The following DOCK7 variants were observed in gnomAD, a reference collection of about 807,000 sequenced individuals.
DOCK7 encodes the protein dedicator of cytokinesis protein 7.
Under a neutral mutation model 271.0 loss-of-function variants are expected in DOCK7, and 138 were observed. That is an observed-to-expected ratio of 0.51 (90% CI 0.44 to 0.59). The LOEUF (loss-of-function observed/expected upper bound fraction) is 0.59. Ranked by LOEUF, DOCK7 falls within the 20% of genes least tolerant of loss-of-function variation. The probability of loss-of-function intolerance (pLI) is 0.00; values close to 1 mark genes in which losing one functional copy is unlikely to be tolerated. For synonymous variants in DOCK7, 823 were observed against 876.1 expected, an observed-to-expected ratio of 0.94 and a Z score of 1.07; for missense variants, 2,066 against 2,592.4, an observed-to-expected ratio of 0.80 and a Z score of 4.41.
chr1:62,613,048 T>C (rs756523498), intron 14 of DOCK7, among the ~76,000 whole-genome samples: 1 of 152,212 alleles, frequency 6.6e-6, no homozygotes, highest in Admixed American at 6.5e-5. Context: ...ACAACAGTGG[T>C]GATCAAGTAA....
chr1:62,615,437 A>G (rs2149577434), intron 14 of DOCK7, among the ~76,000 whole-genome samples: 1 of 151,990 alleles, frequency 6.6e-6, no homozygotes, highest in African/African-American at 2.4e-5. Context: ...CTTAGCCTTG[A>G]CATTCTATAT....
At chr1:62,509,667 A>G (rs941614952) in intron 34 of DOCK7, among the ~76,000 whole-genome samples, 5 of 152,172 alleles carry the variant, frequency 3.3e-5, no homozygotes, top group African/African-American at 4.8e-5. Context: ...TAATATATTT[A>G]TATTACATTC....
At chr1:62,659,254 C>A (rs983955637) in intron 2 of DOCK7, among the ~76,000 whole-genome samples, 3 of 151,956 alleles carry the variant, frequency 2.0e-5, no homozygotes, top group African/African-American at 7.3e-5. Flanking sequence ...ATGTTTAAGA[C>A]AATTATATAC....
At chr1:62,660,081 A>G (rs1658492503) in intron 2 of DOCK7, among the ~76,000 whole-genome samples, 1 of 152,180 alleles carries the variant, frequency 6.6e-6, no homozygotes, top group Non-Finnish European at 1.5e-5. Flanking sequence ...TCTAACTGAC[A>G]TTTATAGAAC....
chr1:62,519,562 T>C (rs1217656549), intron 31 of DOCK7, among the ~76,000 whole-genome samples: 2 of 152,110 alleles, frequency 1.3e-5, no homozygotes, highest in Non-Finnish European at 2.9e-5. Flanking sequence ...GAGATGAATC[T>C]TGAAAATGCT....
chr1:62,685,197 A>T (rs1661591605), intron 1 of DOCK7, among the ~76,000 whole-genome samples: 1 of 152,190 alleles, frequency 6.6e-6, no homozygotes, highest in African/African-American at 2.4e-5. Flanking sequence ...TACGAGGTTA[A>T]GTCTTACCAT....
rs774114583 is a variant in DOCK7, at chr1:62,535,529, G to A, written c.3575C>T (p.Thr1192Ile). 1 of 1,614,026 alleles carries A rather than the reference G, an allele frequency of 6.2e-7. No homozygotes were observed. The highest frequency in any genetic ancestry group is 8.5e-7 in the Non-Finnish European group (1 of 1,179,972). ...QQHYLAGLVLTELAVILDPDA... is the reference protein window; with the variant it reads ...QQHYLAGLVLIELAVILDPDA... Reference sequence around the variant, plus strand: ...AGGGTCTAAAATGACAGCCAGCTCTGTTAACACAAGTCCTGCCAAATAATG... The same window carrying A: ...AGGGTCTAAAATGACAGCCAGCTCTATTAACACAAGTCCTGCCAAATAATG... The change falls in exon 29 of 50, where the codon ACA becomes ATA. Residue 1192 changes from threonine to isoleucine, a missense_variant. Physicochemically the swap from Thr to Ile is moderately conservative, Grantham distance 89. Around this residue, in one of 2 missense-constraint regions of DOCK7, gnomAD observed 1,414 missense variants for 1,670.4 expected, o/e 0.85. Transcript: ENST00000635253.
chr1:62,467,212 G>A (rs1467582065), intron 48 of DOCK7, among the ~76,000 whole-genome samples: 1 of 152,192 alleles, frequency 6.6e-6, no homozygotes, highest in African/African-American at 2.4e-5. Context: ...TGTGTCCAGA[G>A]GTTATGCATG....
intron 31 of DOCK7, among the ~76,000 whole-genome samples, chr1:62,514,969 T>C (rs578199148): frequency 1.3e-5 from 2 of 152,078 alleles, no homozygotes; most frequent in African/African-American, 2.4e-5. Context: ...AGGAAAGACA[T>C]AGGAAAGCTG....
chr1:62,543,519 A>T (rs1300291427), intron 24 of DOCK7, 137 bp downstream of exon 24: 2 of 545,646 alleles, frequency 3.7e-6, no homozygotes, highest in Non-Finnish European at 6.4e-6. Context: ...TCAGACAAGC[A>T]ATGCTTGTTC....
intron 19 of DOCK7, 126 bp downstream of exon 19, chr1:62,561,489 CAT>C (rs1443137488): frequency 4.5e-6 from 2 of 440,024 alleles, no homozygotes; most frequent in East Asian, 3.8e-5. Flanking sequence ...TTTTAACTGA[CAT>C]ATATTCTCAT....
In DOCK7 at chr1:62,539,568, G is replaced by A; in HGVS notation, c.3277C>T (p.Leu1093Phe). The change falls in exon 27 of 50, where the codon CTT becomes TTT. Residue 1093 changes from leucine to phenylalanine, a missense_variant. Physicochemically the swap from Leu to Phe is conservative, Grantham distance 22 (BLOSUM62 0). Transcript: ENST00000635253. ...ACCTGTTTATAGCAGGACTTTATAA[G>A]GCTAAAAACAAATCCTCTGTCCATA... The part of the protein sequence containing the change: ...SVMDRGFVFS[L>F]IKSCYKQVSS... 3 of 1,612,322 alleles carry A rather than the reference G, an allele frequency of 1.9e-6. No individual in the cohort carries two copies. Among genetic ancestry groups the A allele is most frequent in the Non-Finnish European group, 2.5e-6 (3 of 1,179,464 alleles).
chr1:62,604,523 CT>C (rs1650659644), intron 14 of DOCK7: 1 of 1,198,058 alleles, frequency 8.3e-7, no homozygotes. Context: ...ATACATGCAT[CT>C]AAAACACTGT....
chr1:62,604,622 A>T, intron 14 of DOCK7: 1 of 1,612,572 alleles, frequency 6.2e-7, no homozygotes, highest in Non-Finnish European at 8.5e-7. Flanking sequence ...TTGCATATCT[A>T]TCTCCTTTAG....
intron 31 of DOCK7, among the ~76,000 whole-genome samples, chr1:62,515,915 A>G (rs1358012293): frequency 2.0e-5 from 3 of 152,204 alleles, no homozygotes; most frequent in African/African-American, 7.2e-5. Context: ...GAACACAAAA[A>G]GTGTCCTATG....
intron 37 of DOCK7, among the ~76,000 whole-genome samples, chr1:62,503,071 TC>T (rs1646832977): frequency 2.0e-5 from 3 of 152,136 alleles, no homozygotes; most frequent in Admixed American, 2.0e-4. Context: ...CAAGACGAGT[TC>T]TTTTAAATTC....
intron 48 of DOCK7, among the ~76,000 whole-genome samples, chr1:62,471,592 T>C (rs1017964768): frequency 6.6e-6 from 1 of 152,200 alleles, no homozygotes; most frequent in African/African-American, 2.4e-5. Context: ...AGTTTGAGGC[T>C]GCAGTGAGTT....
chr1:62,475,541 T>C, intron 46 of DOCK7, 166 bp downstream of exon 46: 1 of 1,069,066 alleles, frequency 9.4e-7, no homozygotes, highest in Non-Finnish European at 1.3e-6. Flanking sequence ...TGGGGGTGAA[T>C]TAGGGTCTTA....
At chr1:62,457,799 G>T in intron 48 of DOCK7, 94 bp from the exon 49 acceptor site, 1 of 1,161,334 alleles carries the variant, frequency 8.6e-7, no homozygotes, top group Non-Finnish European at 1.2e-6. Context: ...ATATATATGT[G>T]GGCTTAATGA....
Sources: allele counts gnomAD v4.1 joint callset (sites outside exome capture counted in the v4.1 genomes callset), GRCh38; gene constraint gnomAD v4.1.1; regional missense constraint gnomAD v4.1.1; transcripts MANE v1.5; gene names NCBI Gene and HGNC (gene_info 2026-07-23, HGNC 2026-07-21).